The following ATRNL1 variants were observed in gnomAD, a reference collection of about 807,000 sequenced individuals.
ATRNL1 encodes the protein attractin like 1, also known as attractin-like protein 1.
Under a neutral mutation model 182.7 loss-of-function variants are expected in ATRNL1, and 95 were observed. The observed-to-expected ratio is 0.52, with a 90% CI of 0.44 to 0.62. The LOEUF (loss-of-function observed/expected upper bound fraction) is 0.62, where lower values mean the gene tolerates loss of function less well. ATRNL1 is among the 20% of genes least tolerant of loss of function. The pLI is 0.00. For synonymous variants in ATRNL1, 576 were observed against 568.3 expected, an observed-to-expected ratio of 1.01 and a Z score of -0.19; for missense variants, 1,471 against 1,679.5, an observed-to-expected ratio of 0.88 and a Z score of 2.17.
chr10:115,642,446 T>TG (rs1859314416), intron 26 of ATRNL1, among the ~76,000 whole-genome samples: 2 of 150,752 alleles, frequency 1.3e-5, no homozygotes, highest in African/African-American at 4.9e-5. Context: ...AGTGCTTTTT[T>TG]TTTTCTTTTT....
chr10:115,405,095 G>A (rs1400573325), intron 20 of ATRNL1, among the ~76,000 whole-genome samples: 8 of 152,070 alleles, frequency 5.3e-5, no homozygotes, highest in African/African-American at 1.9e-4. Flanking sequence ...AGAAACAAAT[G>A]TGTATGTCAA....
In ATRNL1 at chr10:115,333,485, C is replaced by CTT. The variant is rs35581763; in HGVS notation, c.3038-782_3038-781dup. On this transcript the variant is annotated intron_variant, in intron 18 of 28. Transcript: ENST00000355044. ...ATTTATGCAAATTAATTCAAAAGTACTTTTTTTTTTTTTTTTGAGACGGAG... is the reference window on the plus strand; with the variant it reads ...ATTTATGCAAATTAATTCAAAAGTACTTTTTTTTTTTTTTTTTTGAGACGGAG... Among the ~76,000 whole-genome samples, 1,306 of 138,314 alleles carry CTT rather than the reference C, an allele frequency of 9.4e-3. 25 individuals are homozygous for CTT. Among genetic ancestry groups the CTT allele is most frequent in the African/African-American group, 0.025 (922 of 37,398 alleles). 90.7% of individuals were successfully genotyped at this position (138,314 alleles called of 152,430 possible).
rs1419989881 is a variant in ATRNL1, at chr10:115,915,957, G to C, written c.4019-28701G>C. ...ATTCAACCTGCAACTTTGTTCTCTG[G>C]TCCCTTTTGAATATTCAGTTCTCAT... On this transcript the variant is annotated intron_variant, in intron 28 of 28. Coordinates refer to ENST00000355044, the MANE Select transcript of ATRNL1 (RefSeq NM_207303.4). Among the ~76,000 whole-genome samples the C allele has an allele frequency of 2.0e-5, 3 of 152,178 alleles. No individual in the cohort carries two copies. The East Asian group carries it at 5.8e-4, about 29-fold the overall frequency.
chr10:115,505,359 G>T (rs1850058765), intron 24 of ATRNL1, among the ~76,000 whole-genome samples: 1 of 152,084 alleles, frequency 6.6e-6, no homozygotes, highest in Admixed American at 6.6e-5. Context: ...TGAACTGCAT[G>T]CTTCCTTAAA....
intron 19 of ATRNL1, among the ~76,000 whole-genome samples, chr10:115,362,093 GA>G (rs1222438956): frequency 4.6e-5 from 7 of 150,932 alleles, no homozygotes; most frequent in African/African-American, 7.3e-5. Flanking sequence ...GTATCCAAAA[GA>G]AAAAAAAATT....
intron 28 of ATRNL1, among the ~76,000 whole-genome samples, chr10:115,912,059 T>C (rs1234882642): frequency 6.6e-6 from 1 of 152,064 alleles, no homozygotes; most frequent in Non-Finnish European, 1.5e-5. Flanking sequence ...TTCCCACACA[T>C]TGGGACATCG....
chr10:115,283,018 T>G (rs1447778255), intron 14 of ATRNL1, among the ~76,000 whole-genome samples: 3 of 152,222 alleles, frequency 2.0e-5, no homozygotes, highest in Non-Finnish European at 2.9e-5. Flanking sequence ...CTGAGCCTAT[T>G]TAATTCTAAA....
At chr10:115,367,578 G>T (rs1156847616) in intron 19 of ATRNL1, among the ~76,000 whole-genome samples, 3 of 151,984 alleles carry the variant, frequency 2.0e-5, no homozygotes, top group Non-Finnish European at 4.4e-5. Context: ...GCGTCCCTTT[G>T]GAGGAGGAGA....
At chr10:115,540,150 TAA>T (rs1554991555) in intron 25 of ATRNL1, among the ~76,000 whole-genome samples, 68 of 151,044 alleles carry the variant, frequency 4.5e-4, no homozygotes, top group African/African-American at 1.6e-3. Context: ...AATAAATAAA[TAA>T]ATATATAGTG....
chr10:115,526,680 C>T (rs1554986632), intron 25 of ATRNL1, among the ~76,000 whole-genome samples: 1 of 152,142 alleles, frequency 6.6e-6, no homozygotes, highest in African/African-American at 2.4e-5. Context: ...CTTCTGTTTA[C>T]TTGGACCATA....
At chr10:115,207,037 G>C (rs1462845545) in intron 8 of ATRNL1, among the ~76,000 whole-genome samples, 1 of 151,842 alleles carries the variant, frequency 6.6e-6, no homozygotes, top group Non-Finnish European at 1.5e-5. Flanking sequence ...TTTATGGCTG[G>C]CTAGTATTCC....
At chr10:115,165,682 GT>G (rs1173025363) in intron 7 of ATRNL1, 37 bp downstream of exon 7, 2 of 1,224,536 alleles carry the variant, frequency 1.6e-6, no homozygotes, top group Non-Finnish European at 2.3e-6. Flanking sequence ...ATCAGATTTT[GT>G]TTTTGATAGT....
At chr10:115,748,339 T>C (rs1467182512) in intron 27 of ATRNL1, among the ~76,000 whole-genome samples, 1 of 149,984 alleles carries the variant, frequency 6.7e-6, no homozygotes, top group Non-Finnish European at 1.5e-5. Flanking sequence ...ATGTTACTGA[T>C]CAGCTGCATC....
intron 26 of ATRNL1, among the ~76,000 whole-genome samples, chr10:115,644,847 C>A (rs1454335007): frequency 6.6e-6 from 1 of 152,066 alleles, no homozygotes; most frequent in Non-Finnish European, 1.5e-5. Context: ...AATTATTATT[C>A]TTGTATTTGT....
intron 17 of ATRNL1, 100 bp downstream of exon 17, chr10:115,302,143 T>G (rs1853502688): frequency 8.6e-7 from 1 of 1,168,988 alleles, no homozygotes; most frequent in South Asian, 1.7e-5. Flanking sequence ...TTTCAAAAAA[T>G]GAGAAAAAAT....
At chr10:115,291,498 GTATT>G (rs1187058801) in intron 15 of ATRNL1, among the ~76,000 whole-genome samples, 49 of 151,926 alleles carry the variant, frequency 3.2e-4, no homozygotes, top group Admixed American at 1.9e-3. Context: ...CTAAATAAAG[GTATT>G]TATTTATTTA....
intron 26 of ATRNL1, among the ~76,000 whole-genome samples, chr10:115,703,562 C>CATTCCATAGTAACATTCTGAACA (rs1196417840): frequency 6.6e-6 from 1 of 151,668 alleles, no homozygotes; most frequent in Non-Finnish European, 1.5e-5. Context: ...GATGGATGAT[C>CATTCCATAGTAACATTCTGAACA]TAGTAACATT....
intron 28 of ATRNL1, among the ~76,000 whole-genome samples, chr10:115,871,072 T>G (rs1951567633): frequency 1.3e-5 from 2 of 152,190 alleles, no homozygotes; most frequent in Admixed American, 6.5e-5. Flanking sequence ...GGAATGCTTT[T>G]TTTCAACTAG....
In ATRNL1 at chr10:115,348,864, A is replaced by C. The variant is rs376384486; in HGVS notation, c.3175+14445A>C. ...ATAGTTGTACATATTTAAGGGGTAC[A>C]TGTGATATTTTAATACAAATAGATA... On this transcript the variant is annotated intron_variant, in intron 19 of 28. Transcript: ENST00000355044. 4.6e-5 allele frequency among the ~76,000 whole-genome samples: 7 copies of C among 152,276 alleles called. No individual in the cohort carries two copies. The East Asian group carries it at 1.4e-3, about 29-fold the overall frequency.
Sources: allele counts gnomAD v4.1 joint callset (sites outside exome capture counted in the v4.1 genomes callset), GRCh38; gene constraint gnomAD v4.1.1; transcripts MANE v1.5; gene names NCBI Gene and HGNC (gene_info 2026-07-23, HGNC 2026-07-21).